HMG20A: variants seen among roughly 807,000 people sequenced by gnomAD.
HMG20A encodes high mobility group protein 20A.
A neutral mutation model predicts 43.9 loss-of-function variants in HMG20A; 17 were observed. The ratio of observed to expected loss-of-function variants is 0.39; its 90% CI spans 0.27 to 0.58. HMG20A has a LOEUF of 0.58. Among genes scored for constraint, HMG20A ranks in the 20% least tolerant of loss-of-function variants. The pLI is 0.59. For missense variants in HMG20A, 341 were observed against 438.2 expected (o/e 0.78, Z 1.98); for synonymous variants, 132 against 147.5 (o/e 0.89, Z 0.76).
intron 2 of HMG20A, among the ~76,000 whole-genome samples, chr15:77,460,098 A>C (rs947270723): frequency 2.0e-5 from 3 of 152,164 alleles, no homozygotes; most frequent in African/African-American, 7.2e-5. Flanking sequence ...CAAGGAGACC[A>C]GTTAGGGAGG....
intron 1 of HMG20A, among the ~76,000 whole-genome samples, chr15:77,442,330 T>A (rs2073621638): frequency 6.6e-6 from 1 of 152,188 alleles, no homozygotes; most frequent in South Asian, 2.1e-4. Context: ...AATAAGGAAG[T>A]CACAACACTT....
intron 1 of HMG20A, among the ~76,000 whole-genome samples, chr15:77,433,529 A>G (rs988480230): frequency 6.6e-6 from 1 of 152,180 alleles, no homozygotes; most frequent in African/African-American, 2.4e-5. Context: ...TTGAGAGAAG[A>G]TATTTACAGA....
intron 1 of HMG20A, among the ~76,000 whole-genome samples, chr15:77,421,837 A>C (rs900416742): frequency 1.3e-5 from 2 of 152,246 alleles, no homozygotes; most frequent in African/African-American, 4.8e-5. Flanking sequence ...GCTTACACGT[A>C]ACATTTTTGA....
intron 1 of HMG20A, among the ~76,000 whole-genome samples, chr15:77,450,331 G>A (rs1362639390): frequency 1.3e-5 from 2 of 152,086 alleles, no homozygotes; most frequent in East Asian, 3.8e-4. Context: ...TACACATAAT[G>A]AGATATGTTG....
In HMG20A at chr15:77,439,849, G is replaced by A. The variant is rs545679101; in HGVS notation, c.-4-18555G>A. On this transcript the variant is annotated intron_variant, in intron 1 of 9. Transcript: ENST00000336216. ...CCCCATTTAGATTCCCAGTAGCACC[G>A]TCAGAGAATTTCAGTTCCTCTCCAT... Among the ~76,000 whole-genome samples, 11 of 152,168 alleles carry A rather than the reference G, an allele frequency of 7.2e-5. No homozygotes were observed. In the South Asian group the frequency reaches 1.2e-3, roughly 17 times the overall value.
At chr15:77,506,260 C>G in the HMG20A span, among the ~76,000 whole-genome samples, 2 of 152,096 alleles carry the variant, frequency 1.3e-5, no homozygotes, top group Non-Finnish European at 2.9e-5. Flanking sequence ...CCAGCCAAGC[C>G]GTCTCTGGGA....
rs1463545364 is a variant in HMG20A at position 77,464,297 on chromosome 15, A to G, written c.147A>G (p.Pro49=). 5.6e-6 allele frequency: 9 copies of G among 1,613,810 alleles called. 1 individual carries two copies. In the South Asian group the frequency reaches 9.9e-5, roughly 18 times the overall value. ...SSGATSSTNN[P]EFVEDLSQGQ... is the part of the protein sequence containing the mutation. ...GCGCCACATCATCCACCAACAATCC[A>G]GAATTTGTGGAGGATCTCTCTCAAG... Residue 49 remains proline (P), a synonymous_variant, in exon 3 of 10, where the codon CCA becomes CCG. Coordinates refer to ENST00000336216, the MANE Select transcript of HMG20A (RefSeq NM_001304504.2).
rs187401463 is a variant in HMG20A, at chr15:77,446,573, C to T, written c.-4-11831C>T. Among the ~76,000 whole-genome samples the T allele has an allele frequency of 5.0e-4, 76 of 152,150 alleles. 1 individual carries two copies. The highest frequency in any genetic ancestry group is 1.6e-3 in the African/African-American group (68 of 41,502). ...CTGTAATCCCAGCACTTTGGGAGGC[C>T]GAGGCGGGTGGATCACAAGGTCAGG... On this transcript the variant is annotated intron_variant, in intron 1 of 9. Transcript: ENST00000336216.
At chr15:77,428,949 C>A (rs2073454774) in intron 1 of HMG20A, among the ~76,000 whole-genome samples, 3 of 142,952 alleles carry the variant, frequency 2.1e-5, no homozygotes, top group Admixed American at 7.1e-5. Context: ...GGCTACAGAG[C>A]AAGACTCTGT....
chr15:77,475,799 A>G (rs2072849235), intron 6 of HMG20A, among the ~76,000 whole-genome samples: 1 of 152,226 alleles, frequency 6.6e-6, no homozygotes, highest in African/African-American at 2.4e-5. Context: ...AAATATGGCT[A>G]AGATTCCTTC....
intron 2 of HMG20A, among the ~76,000 whole-genome samples, chr15:77,458,895 T>C (rs2072680640): frequency 6.6e-6 from 1 of 152,228 alleles, no homozygotes; most frequent in South Asian, 2.1e-4. Context: ...TTATTCAAGA[T>C]GCTTAGTAAC....
downstream of HMG20A, among the ~76,000 whole-genome samples, chr15:77,490,561 G>A (rs79664740): frequency 8.5e-3 from 1,294 of 152,260 alleles, 19 homozygotes; most frequent in African/African-American, 0.03. Context: ...AGTGGCTTAC[G>A]CGTGTAATCC....
chr15:77,453,890 G>C (rs1172764737), intron 1 of HMG20A, among the ~76,000 whole-genome samples: 1 of 152,044 alleles, frequency 6.6e-6, no homozygotes, highest in African/African-American at 2.4e-5. Flanking sequence ...ACAGAAAGTA[G>C]GCAGGCATGA....
chr15:77,467,416 G>A (rs2072766936), intron 4 of HMG20A, 109 bp downstream of exon 4: 2 of 863,632 alleles, frequency 2.3e-6, no homozygotes, highest in Non-Finnish European at 3.6e-6. Flanking sequence ...TTTTGTCACA[G>A]TGCCTAGGAG....
intron 1 of HMG20A, among the ~76,000 whole-genome samples, chr15:77,433,329 C>A (rs1047766497): frequency 1.0e-3 from 135 of 133,580 alleles, no homozygotes; most frequent in African/African-American, 3.4e-3. Context: ...ATGTTAGAGA[C>A]CCTGTCTCTA....
chr15:77,512,906 G>A, the HMG20A span, among the ~76,000 whole-genome samples: 1 of 152,132 alleles, frequency 6.6e-6, no homozygotes, highest in Non-Finnish European at 1.5e-5. Flanking sequence ...AACTGACCAC[G>A]AATAACCTGA....
At chr15:77,463,969 G>C (rs1324326109) in intron 2 of HMG20A, among the ~76,000 whole-genome samples, 1 of 152,250 alleles carries the variant, frequency 6.6e-6, no homozygotes, top group Non-Finnish European at 1.5e-5. Flanking sequence ...CATGAAGTCT[G>C]TGTTGAGAGG....
At chr15:77,508,199 G>A in the HMG20A span, among the ~76,000 whole-genome samples, 916 of 152,240 alleles carry the variant, frequency 6.0e-3, 8 homozygotes, top group African/African-American at 0.021. Flanking sequence ...AGCCTGAACC[G>A]TCCAGCTAAG....
At chr15:77,458,307 A>T in intron 1 of HMG20A, 97 bp from the exon 2 acceptor site, 1 of 735,594 alleles carries the variant, frequency 1.4e-6, no homozygotes, top group Non-Finnish European at 2.3e-6. Flanking sequence ...TCTGTTGCTT[A>T]TATGATAAAG....
Sources: gnomAD v4.1 joint callset for allele counts (sites outside exome capture counted in the v4.1 genomes callset) on GRCh38, gnomAD v4.1.1 for gene constraint, MANE v1.5 for transcripts, NCBI Gene and HGNC (gene_info 2026-07-23, HGNC 2026-07-21) for gene names.